Variants in RNGTT observed in about 807,000 individuals in gnomAD.
RNGTT encodes RNA guanylyltransferase and 5'-phosphatase.
RNGTT carries 33 observed loss-of-function variants against 79.3 expected under a neutral mutation model. The ratio of observed to expected loss-of-function variants is 0.42; its 90% CI spans 0.32 to 0.56. RNGTT has a LOEUF of 0.56. Among genes scored for constraint, RNGTT ranks in the 20% least tolerant of loss-of-function variants. The pLI, the probability that RNGTT is intolerant of heterozygous loss-of-function variation, is 0.17. For missense variants in RNGTT, 497 were observed against 739.1 expected, an observed-to-expected ratio of 0.67 and a Z score of 3.80; for synonymous variants, 222 against 235.9, an observed-to-expected ratio of 0.94 and a Z score of 0.54.
At chr6:88,846,757 C>CAA (rs200193188) in intron 10 of RNGTT, among the ~76,000 whole-genome samples, 3 of 113,696 alleles carry the variant, frequency 2.6e-5, no homozygotes, top group Non-Finnish European at 1.9e-5. Context: ...AAGACTGTCT[C>CAA]AAAAAAAAAA....
intron 14 of RNGTT, among the ~76,000 whole-genome samples, chr6:88,623,070 C>A (rs1466874422): frequency 1.3e-5 from 2 of 151,828 alleles, no homozygotes. Flanking sequence ...GATGATAAGA[C>A]CCCAGCCTAA....
At chr6:88,733,034 G>A (rs1047052692) in intron 13 of RNGTT, among the ~76,000 whole-genome samples, 7 of 152,152 alleles carry the variant, frequency 4.6e-5, no homozygotes, top group Admixed American at 1.3e-4. Flanking sequence ...GAGAAATGAA[G>A]AATGCCTATG....
At chr6:88,939,633 T>C (rs1784782610) in intron 2 of RNGTT, among the ~76,000 whole-genome samples, 1 of 152,172 alleles carries the variant, frequency 6.6e-6, no homozygotes, top group South Asian at 2.1e-4. Context: ...TTTATTATGC[T>C]GCTGAAGGAT....
At chr6:88,953,867 A>T (rs912288633) in intron 1 of RNGTT, among the ~76,000 whole-genome samples, 8 of 152,210 alleles carry the variant, frequency 5.3e-5, no homozygotes, top group Non-Finnish European at 1.2e-4. Flanking sequence ...TGTATTCAGC[A>T]AAACTAGGCT....
intron 12 of RNGTT, among the ~76,000 whole-genome samples, chr6:88,770,662 G>A (rs1392006220): frequency 6.6e-6 from 1 of 152,170 alleles, no homozygotes; most frequent in Non-Finnish European, 1.5e-5. Flanking sequence ...AGAGTGGAAT[G>A]ACTGTATCAC....
At chr6:88,784,596 T>C (rs1226867692) in intron 12 of RNGTT, among the ~76,000 whole-genome samples, 8 of 152,192 alleles carry the variant, frequency 5.3e-5, no homozygotes, top group African/African-American at 1.9e-4. Context: ...AATTGGTCTG[T>C]CAGTAGAAAG....
At chr6:88,926,145 T>C (rs1456177193) in intron 4 of RNGTT, among the ~76,000 whole-genome samples, 1 of 152,200 alleles carries the variant, frequency 6.6e-6, no homozygotes, top group Non-Finnish European at 1.5e-5. Context: ...TTTAAAAATA[T>C]TTAATACACC....
In RNGTT at chr6:88,693,886, T is replaced by G. The variant is rs191727664; in HGVS notation, c.1440-15467A>C. On this transcript the variant is annotated intron_variant, in intron 13 of 15. Transcript: ENST00000369485. Reference sequence around the variant, plus strand: ...TCTCATTAGCTATGGCAAAAGAATCTGACAAAATTCAACATCCTTTCATGA... The same window carrying G: ...TCTCATTAGCTATGGCAAAAGAATCGGACAAAATTCAACATCCTTTCATGA... 1.9e-3 allele frequency among the ~76,000 whole-genome samples: 287 copies of G among 152,276 alleles called. 5 individuals are homozygous for G. The highest frequency in any genetic ancestry group is 4.6e-4 in the Non-Finnish European group (31 of 67,996).
intron 11 of RNGTT, among the ~76,000 whole-genome samples, chr6:88,835,465 C>G (rs1781033141): frequency 6.6e-6 from 1 of 152,036 alleles, no homozygotes; most frequent in Admixed American, 6.5e-5. Context: ...GAAGAGAATG[C>G]ATTATTATTT....
chr6:88,890,413 G>C (rs1195271167), intron 8 of RNGTT, 82 bp downstream of exon 8: 4 of 846,322 alleles, frequency 4.7e-6, no homozygotes, highest in Non-Finnish European at 7.6e-6. Flanking sequence ...ACACTCTCAA[G>C]AGTGTAAACT....
intron 14 of RNGTT, among the ~76,000 whole-genome samples, chr6:88,639,815 C>A (rs1773240808): frequency 6.6e-6 from 1 of 152,140 alleles, no homozygotes. Flanking sequence ...GTTCTAAGTA[C>A]CTTCACATGC....
intron 13 of RNGTT, among the ~76,000 whole-genome samples, chr6:88,679,225 C>T (rs1424123671): frequency 6.6e-6 from 1 of 152,132 alleles, no homozygotes; most frequent in African/African-American, 2.4e-5. Context: ...AGGGGTATAA[C>T]AGAGAAACTC....
chr6:88,859,636 G>T (rs1028173049), intron 8 of RNGTT, among the ~76,000 whole-genome samples: 2 of 152,178 alleles, frequency 1.3e-5, no homozygotes, highest in Non-Finnish European at 2.9e-5. Context: ...GTTAGGAAGT[G>T]ATACAAGTGG....
chr6:88,812,376 T>C (rs73498419), intron 11 of RNGTT, among the ~76,000 whole-genome samples: 3,922 of 152,280 alleles, frequency 0.026, 181 homozygotes, highest in African/African-American at 0.088. Context: ...AATCCCTTCA[T>C]AGATCCACAA....
intron 13 of RNGTT, among the ~76,000 whole-genome samples, chr6:88,704,472 G>C (rs940987756): frequency 3.3e-5 from 5 of 151,930 alleles, no homozygotes; most frequent in Non-Finnish European, 5.9e-5. Context: ...AGACAGGAGT[G>C]AATCATTTCA....
At chr6:88,814,817 C>A (rs921251618) in intron 11 of RNGTT, among the ~76,000 whole-genome samples, 2 of 151,916 alleles carry the variant, frequency 1.3e-5, no homozygotes, top group African/African-American at 4.8e-5. Context: ...CTAAATAGTT[C>A]TAATTTGAAC....
At chr6:88,649,540 A>G (rs1773715218) in intron 14 of RNGTT, among the ~76,000 whole-genome samples, 1 of 152,036 alleles carries the variant, frequency 6.6e-6, no homozygotes, top group Admixed American at 6.6e-5. Context: ...TAATAAAAAT[A>G]CAAAAAATTA....
chr6:88,769,511 T>C (rs969703581), intron 13 of RNGTT, among the ~76,000 whole-genome samples: 1 of 151,914 alleles, frequency 6.6e-6, no homozygotes, highest in Admixed American at 6.6e-5. Context: ...GTTATTAATA[T>C]AATTATATTA....
intron 4 of RNGTT, among the ~76,000 whole-genome samples, chr6:88,908,953 A>T (rs1022467223): frequency 6.6e-6 from 1 of 151,970 alleles, no homozygotes; most frequent in African/African-American, 2.4e-5. Context: ...GGGCCAGAGG[A>T]CAAATGTGCA....
Sources: gnomAD v4.1 joint callset for allele counts (sites outside exome capture counted in the v4.1 genomes callset) on GRCh38, gnomAD v4.1.1 for gene constraint, MANE v1.5 for transcripts, NCBI Gene and HGNC (gene_info 2026-07-23, HGNC 2026-07-21) for gene names.